WDFY3: variants seen among roughly 807,000 people sequenced by gnomAD.
The protein encoded by WDFY3 is WD repeat and FYVE domain-containing protein 3.
In WDFY3, 66 loss-of-function variants were observed where a neutral mutation model predicts 409.6. The ratio of observed to expected loss-of-function variants is 0.16; its 90% confidence interval spans 0.13 to 0.20. The LOEUF is 0.20. Ranked by LOEUF, WDFY3 falls within the 10% of genes least tolerant of loss-of-function variation. WDFY3 has a pLI of 1.00. For missense variants in WDFY3, 3,031 were observed against 4,298.1 expected (o/e 0.71, Z 8.24); for synonymous variants, 1,521 against 1,537.1 (o/e 0.99, Z 0.25).
At chr4:84,959,403 G>A (rs528282426) in intron 1 of WDFY3, among the ~76,000 whole-genome samples, 2 of 151,746 alleles carry the variant, frequency 1.3e-5, no homozygotes, top group African/African-American at 4.8e-5. Context: ...ATGAGAAGAC[G>A]TGAGACTGCA....
At chr4:84,843,409 T>C (rs1378773159) in intron 5 of WDFY3, among the ~76,000 whole-genome samples, 1 of 152,230 alleles carries the variant, frequency 6.6e-6, no homozygotes. Context: ...CTTTTTATTT[T>C]ATTATTTTTG....
intron 13 of WDFY3, among the ~76,000 whole-genome samples, chr4:84,815,067 T>C (rs1274353691): frequency 6.6e-6 from 1 of 152,160 alleles, no homozygotes; most frequent in Admixed American, 6.6e-5. Flanking sequence ...TGGTCTGTCC[T>C]AGTTAAGAAC....
intron 36 of WDFY3, among the ~76,000 whole-genome samples, chr4:84,744,810 G>A (rs373812837): frequency 0.013 from 1,541 of 122,030 alleles, 9 homozygotes; most frequent in Non-Finnish European, 0.019. Context: ...CCGAGATCCC[G>A]CCACTGCACT....
Position 84,696,823 on chromosome 4 carries a change from C to A in WDFY3, c.8597G>T (p.Gly2866Val). 1 of 1,612,408 alleles carries A rather than the reference C, an allele frequency of 6.2e-7. No homozygotes were observed. The highest frequency in any genetic ancestry group is 8.5e-7 in the Non-Finnish European group (1 of 1,179,090). ...FLFNSNNFDL[G>V]CKQNGTKLGD... ...AAGCTTGGTGCCATTTTGTTTACAG[C>A]CTATGCAATTGGATACATTAAAAAT... The change falls in exon 57 of 68, where the codon GGC becomes GTC. Residue 2866 changes from glycine (G) to valine (V), a missense_variant and splice_region_variant. By Grantham distance (109) the Gly-to-Val change is moderately radical (BLOSUM62 -3). Around this residue, in one of 16 missense-constraint regions of WDFY3, gnomAD observed 129 missense variants for 305.3 expected, o/e 0.42. Transcript: ENST00000295888.
chr4:84,827,057 A>G, intron 9 of WDFY3, 76 bp from the exon 10 acceptor site: 1 of 1,479,672 alleles, frequency 6.8e-7, no homozygotes, highest in Non-Finnish European at 9.1e-7. Flanking sequence ...GTATTTTTCA[A>G]TTTTATATGC....
Position 84,741,164 on chromosome 4 carries a change from T to C in WDFY3, c.6234+597A>G, listed in dbSNP as rs569300885. Among the ~76,000 whole-genome samples, 7 of 152,320 alleles carry C rather than the reference T, an allele frequency of 4.6e-5. No homozygotes were observed. In the East Asian group the frequency reaches 1.4e-3, roughly 29 times the overall value. Reference sequence around the variant, plus strand: ...TAAGCCTTTACACATGGATGTAGTATACAGTACAAACCTACCAAACTGTAT... The same window carrying C: ...TAAGCCTTTACACATGGATGTAGTACACAGTACAAACCTACCAAACTGTAT... On this transcript the variant is annotated intron_variant, in intron 38 of 67. Transcript: ENST00000295888.
At chr4:84,757,220 T>C in intron 32 of WDFY3, 59 bp from the exon 33 acceptor site, 4 of 1,487,988 alleles carry the variant, frequency 2.7e-6, no homozygotes, top group Non-Finnish European at 1.9e-6. Flanking sequence ...ACATGCTGCA[T>C]TAACAAAGAA....
At chr4:84,894,856 A>AT (rs1320824287) in intron 3 of WDFY3, among the ~76,000 whole-genome samples, 1 of 151,332 alleles carries the variant, frequency 6.6e-6, no homozygotes, top group African/African-American at 2.4e-5. Flanking sequence ...AGGCTGAAGC[A>AT]TAAGAATCAC....
intron 1 of WDFY3, among the ~76,000 whole-genome samples, chr4:84,960,983 G>T (rs1196517577): frequency 1.3e-5 from 2 of 152,056 alleles, no homozygotes; most frequent in Admixed American, 6.5e-5. Flanking sequence ...TTGGGAGGCC[G>T]AGGCGGGCGG....
At chr4:84,821,957 A>G (rs1350286286) in intron 10 of WDFY3, among the ~76,000 whole-genome samples, 1 of 152,160 alleles carries the variant, frequency 6.6e-6, no homozygotes, top group Non-Finnish European at 1.5e-5. Flanking sequence ...CAGGCCTGAG[A>G]GCAGCAATAA....
At chr4:84,880,676 T>C (rs566066385) in intron 3 of WDFY3, among the ~76,000 whole-genome samples, 155 of 6,812 alleles carry the variant, frequency 0.023, 1 homozygote, top group Middle Eastern at 0.05. Context: ...GAACCATACA[T>C]ATATATATAT....
At position 84,741,841 on chromosome 4, in the gene WDFY3, C is replaced by A; in HGVS notation, c.6154G>T (p.Val2052Leu). 1 of 1,613,516 alleles carries A rather than the reference C, an allele frequency of 6.2e-7. No individual in the cohort carries two copies. Among genetic ancestry groups the A allele is most frequent in the South Asian group, 1.1e-5 (1 of 91,050 alleles). ...ATGCCTTGCCAAAGCTTGTCCACCA[C>A]ACGCTGTGTGAAATAAAACACATTG... is the stretch of plus-strand genomic sequence containing the variant. ...VNNVFYFTQR[V>L]VDKLWQGMFN... The change falls in exon 38 of 68, where the codon GTG (valine) becomes TTG (leucine). Residue 2052 changes from valine (V) to leucine (L), a missense_variant. Physicochemically the swap from Val to Leu is conservative, Grantham distance 32 (BLOSUM62 1). This residue lies in a region of WDFY3 where 314 missense variants were observed against 397.4 expected (regional missense o/e 0.79). Transcript: ENST00000295888.
chr4:84,880,457 AG>A (rs1330194739), intron 3 of WDFY3, among the ~76,000 whole-genome samples: 2 of 151,578 alleles, frequency 1.3e-5, no homozygotes, highest in Non-Finnish European at 2.9e-5. Flanking sequence ...TATAAATGTT[AG>A]TAACAGTGTT....
chr4:84,766,172 T>C, intron 31 of WDFY3, 80 bp downstream of exon 31: 6 of 1,498,518 alleles, frequency 4.0e-6, no homozygotes, highest in Non-Finnish European at 5.4e-6. Context: ...TTAAAGTCAA[T>C]GGCAATTCCT....
rs576932242 is a variant in WDFY3, at chr4:84,843,254, G to A, written c.305-1991C>T. 6.0e-4 allele frequency among the ~76,000 whole-genome samples: 91 copies of A among 152,246 alleles called. No individual in the cohort carries two copies. The South Asian group carries it at 0.017, about 29-fold the overall frequency. On this transcript the variant is annotated intron_variant, in intron 5 of 67. Coordinates refer to ENST00000295888, the MANE Select transcript of WDFY3 (RefSeq NM_014991.6). ...ATACAGGGAGATTCCAAACTCCATC[G>A]ACAAAACAAACTATCTTTACATAAC...
At chr4:84,725,795 A>C (rs546255361) in intron 45 of WDFY3, among the ~76,000 whole-genome samples, 4 of 152,288 alleles carry the variant, frequency 2.6e-5, no homozygotes, top group Admixed American at 2.6e-4. Flanking sequence ...CTAAAGTGGA[A>C]AACAAGTGTC....
chr4:84,744,629 G>A (rs187145974), intron 36 of WDFY3, among the ~76,000 whole-genome samples: 25 of 151,722 alleles, frequency 1.6e-4, no homozygotes, highest in African/African-American at 4.8e-4. Flanking sequence ...CGAGGCGGGC[G>A]GATCACGAGG....
chr4:84,727,789 C>A (rs567937729), intron 44 of WDFY3, among the ~76,000 whole-genome samples: 2 of 152,260 alleles, frequency 1.3e-5, no homozygotes, highest in South Asian at 4.1e-4. Flanking sequence ...CTTACCAAGG[C>A]AAAACCATGG....
chr4:84,712,372 T>TA (rs1733054745), intron 51 of WDFY3, among the ~76,000 whole-genome samples: 2 of 79,874 alleles, frequency 2.5e-5, no homozygotes, highest in South Asian at 3.5e-4. Flanking sequence ...AAGAAAAAAA[T>TA]TAAAAAAAAA....
Sources: gnomAD v4.1 joint callset for allele counts (sites outside exome capture counted in the v4.1 genomes callset) on GRCh38, gnomAD v4.1.1 for gene constraint, gnomAD v4.1.1 regional missense constraint, MANE v1.5 for transcripts, NCBI Gene and HGNC (gene_info 2026-07-23, HGNC 2026-07-21) for gene names.